Variants in CAPZA2 observed in about 807,000 individuals in gnomAD.
CAPZA2 encodes capping actin protein of muscle Z-line subunit alpha 2.
CAPZA2 carries 13 observed loss-of-function variants against 44.0 expected under a neutral mutation model. That is an observed-to-expected ratio of 0.30 (90% CI 0.19 to 0.47). The LOEUF is 0.47. Among genes scored for constraint, CAPZA2 ranks in the 20% least tolerant of loss-of-function variants. The pLI is 1.00. For missense variants in CAPZA2, 244 were observed against 338.6 expected (o/e 0.72, Z 2.19); for synonymous variants, 94 against 108.2 (o/e 0.87, Z 0.81).
At position 116,876,658 on chromosome 7, in the gene CAPZA2, C is replaced by T. The variant is rs116911489; in HGVS notation, c.40-11469C>T. ...TACATATCTTAAATTCAGGCTTCAC[C>T]GGTAAGGTAAGTGAGATCTTGTTTT... is the stretch of plus-strand genomic sequence containing the variant. On this transcript the variant is annotated intron_variant, in intron 1 of 9. Transcript: ENST00000361183. Among the ~76,000 whole-genome samples, 222 of 152,288 alleles carry T rather than the reference C, an allele frequency of 1.5e-3. 5 individuals are homozygous for T. In the East Asian group the frequency reaches 0.033, roughly 22 times the overall value.
intron 1 of CAPZA2, among the ~76,000 whole-genome samples, chr7:116,887,330 C>T (rs773310269): frequency 2.0e-5 from 3 of 151,786 alleles, no homozygotes; most frequent in African/African-American, 4.8e-5. Context: ...AGTTCAAGAC[C>T]AGCCTGGATA....
intron 4 of CAPZA2, among the ~76,000 whole-genome samples, chr7:116,901,270 T>C (rs930342398): frequency 2.0e-5 from 3 of 152,102 alleles, no homozygotes; most frequent in African/African-American, 7.2e-5. Flanking sequence ...ATATCAGTGA[T>C]GATAGACTAG....
chr7:116,914,657 C>A (rs1020761169), intron 8 of CAPZA2, among the ~76,000 whole-genome samples: 19 of 152,078 alleles, frequency 1.2e-4, no homozygotes, highest in African/African-American at 4.3e-4. Flanking sequence ...GGGGTCTCAC[C>A]ATATTGTCCA....
At chr7:116,917,549 G>T (rs12671828) in intron 9 of CAPZA2, among the ~76,000 whole-genome samples, 178 bp from the exon 10 acceptor site, 2 of 152,030 alleles carry the variant, frequency 1.3e-5, no homozygotes, top group African/African-American at 4.8e-5. Flanking sequence ...GAGCCACCGC[G>T]CCCGGCTCTT....
chr7:116,906,362 ATTGGGGAGTT>A lies in CAPZA2; in HGVS notation c.506+25_506+34del. 6.2e-7 allele frequency: 1 copy of A among 1,609,224 alleles called. No individual in the cohort carries two copies. On this transcript the variant is annotated intron_variant, in intron 6 of 9. Coordinates refer to ENST00000361183, the MANE Select transcript of CAPZA2 (RefSeq NM_006136.3). Reference sequence around the variant, plus strand: ...TTTTTGGTAAGTTAAAATTTTGGATATTGGGGAGTTTTGGCATTGTTTTAAGTCTTTGTAG... The same window carrying A: ...TTTTTGGTAAGTTAAAATTTTGGATATTGGCATTGTTTTAAGTCTTTGTAG...
At position 116,889,390 on chromosome 7, in the gene CAPZA2, A is replaced by T. The variant is rs184201872; in HGVS notation, c.103+1200A>T. 1.1e-4 allele frequency among the ~76,000 whole-genome samples: 17 copies of T among 152,248 alleles called. No individual in the cohort carries two copies. In the East Asian group the frequency reaches 2.7e-3, roughly 24 times the overall value. On this transcript the variant is annotated intron_variant, in intron 2 of 9. Coordinates refer to ENST00000361183, the MANE Select transcript of CAPZA2 (RefSeq NM_006136.3). ...ATTCTACTCCATAGTAAACTAGTTA[A>T]ATGTTTTTTAAGAAGTTTAATCATT...
chr7:116,881,827 A>G (rs1004238288), intron 1 of CAPZA2, among the ~76,000 whole-genome samples: 4 of 150,780 alleles, frequency 2.7e-5, no homozygotes, highest in Non-Finnish European at 5.9e-5. Context: ...CCAGAATCAC[A>G]TTGAATTTTG....
rs1027369681 is a variant in CAPZA2 at position 116,919,354 on chromosome 7, G to C, written c.*1487G>C. 5.3e-5 allele frequency: 8 copies of C among 152,270 alleles called. No homozygotes were observed. The highest frequency in any genetic ancestry group is 1.9e-4 in the African/African-American group (8 of 41,430). The allele number at this position is 152,270 out of a possible 1,614,324, so 9.4% of individuals were successfully genotyped here. A position where few individuals can be genotyped will look rare whatever the true frequency, so the allele number is the denominator to read the frequency against. On this transcript the variant is annotated 3_prime_UTR_variant, in exon 10 of 10. Transcript: ENST00000361183. ...AATGAATTGGTAACATTAATTATCT[G>C]TTCCTTTTTAAAATATATATATTTG...
At chr7:116,865,429 A>AC (rs1223433136) in intron 1 of CAPZA2, among the ~76,000 whole-genome samples, 7 of 149,174 alleles carry the variant, frequency 4.7e-5, no homozygotes, top group East Asian at 3.9e-4. Flanking sequence ...CAGGTGATCC[A>AC]CCCCCCTCGG....
intron 8 of CAPZA2, 183 bp from the exon 9 acceptor site, chr7:116,915,876 CT>C: frequency 2.4e-6 from 1 of 409,588 alleles, no homozygotes; most frequent in Non-Finnish European, 4.2e-6. Context: ...ATTCTGTAGA[CT>C]TTTAAAATAA....
rs1224382697 is a variant in CAPZA2, at chr7:116,921,937, G to GTGTACTCC, written c.*4070_*4071insTGTACTCC. The GTGTACTCC allele has an allele frequency of 6.6e-6, 1 of 152,090 alleles. No homozygotes were observed. The highest frequency in any genetic ancestry group is 1.5e-5 in the Non-Finnish European group (1 of 68,040). 9.4% of individuals were successfully genotyped at this position (152,090 alleles called of 1,614,324 possible). A position where few individuals can be genotyped will look rare whatever the true frequency, so the allele number is the denominator to read the frequency against. On this transcript the variant is annotated 3_prime_UTR_variant, in exon 10 of 10. Transcript: ENST00000361183. ...TTTTCCAGAGTACACTTGGATATAT[G>GTGTACTCC]ATTACATTTTAATAAGTTATATAAA...
At chr7:116,867,435 AG>A (rs1236280295) in intron 1 of CAPZA2, among the ~76,000 whole-genome samples, 1 of 152,324 alleles carries the variant, frequency 6.6e-6, no homozygotes, top group Non-Finnish European at 1.5e-5. Flanking sequence ...TGCCTTTACA[AG>A]GAAGCCAAGT....
At chr7:116,912,993 G>A (rs1401196249) in intron 8 of CAPZA2, among the ~76,000 whole-genome samples, 4 of 152,080 alleles carry the variant, frequency 2.6e-5, no homozygotes, top group Non-Finnish European at 5.9e-5. Flanking sequence ...ATGAAGTAGT[G>A]TCTTATTGTG....
intron 1 of CAPZA2, 61 bp downstream of exon 1, chr7:116,862,711 G>A: frequency 1.3e-6 from 2 of 1,491,404 alleles, no homozygotes; most frequent in Non-Finnish European, 1.8e-6. Flanking sequence ...GGGCGGGTGG[G>A]CCCGGAGTCT....
intron 1 of CAPZA2, among the ~76,000 whole-genome samples, chr7:116,879,619 C>A (rs925823174): frequency 5.3e-5 from 8 of 152,130 alleles, no homozygotes; most frequent in Non-Finnish European, 1.2e-4. Flanking sequence ...CTATGAGAAT[C>A]TCATGCTGCT....
intron 1 of CAPZA2, among the ~76,000 whole-genome samples, chr7:116,882,908 TGGAGG>T (rs879299925): frequency 5.3e-4 from 80 of 152,282 alleles, no homozygotes; most frequent in African/African-American, 1.8e-3. Flanking sequence ...GACTTTATCA[TGGAGG>T]GATAGAGTTA....
Position 116,865,174 on chromosome 7 carries a change from C to CTTTT in CAPZA2, c.39+2526_39+2527insTTTT, listed in dbSNP as rs201926723. ...ATGTTCTTGTGACATTATGCGCTCT[C>CTTTT]TTCTTTTTTTTTTTTTTTTTTTTTT... On this transcript the variant is annotated intron_variant, in intron 1 of 9. Transcript: ENST00000361183. 3.1e-4 allele frequency among the ~76,000 whole-genome samples: 38 copies of CTTTT among 122,082 alleles called. 3 individuals carry two copies. Among genetic ancestry groups the CTTTT allele is most frequent in the African/African-American group, 1.1e-3 (34 of 30,002 alleles). 80.1% of individuals were successfully genotyped at this position (122,082 alleles called of 152,430 possible).
chr7:116,917,610 G>C, intron 9 of CAPZA2, 117 bp from the exon 10 acceptor site: 1 of 782,706 alleles, frequency 1.3e-6, no homozygotes, highest in East Asian at 2.5e-5. Context: ...TTATTTGACT[G>C]TTTAAAAACA....
chr7:116,898,345 G>C (rs962909049), intron 3 of CAPZA2, among the ~76,000 whole-genome samples: 1 of 150,942 alleles, frequency 6.6e-6, no homozygotes, highest in African/African-American at 2.4e-5. Context: ...TTATGGTTAT[G>C]TTTATCCATT....
Sources: gnomAD v4.1 joint callset for allele counts (sites outside exome capture counted in the v4.1 genomes callset) on GRCh38, gnomAD v4.1.1 for gene constraint, MANE v1.5 for transcripts, NCBI Gene and HGNC (gene_info 2026-07-23, HGNC 2026-07-21) for gene names.